Variants in TEX9 observed in about 807,000 individuals in gnomAD.
TEX9 encodes testis-expressed protein 9.
TEX9 carries 74 observed loss-of-function variants against 59.6 expected under a neutral mutation model. The observed-to-expected ratio is 1.24, with a 90% CI of 1.03 to 1.51. The LOEUF (loss-of-function observed/expected upper bound fraction) is 1.51. Among genes scored for constraint, TEX9 ranks in the 40% most tolerant of loss-of-function variants. TEX9 has a pLI of 0.00. For synonymous variants in TEX9, 186 were observed against 152.2 expected, an observed-to-expected ratio of 1.22 and a Z score of -1.64; for missense variants, 522 against 447.8, an observed-to-expected ratio of 1.17 and a Z score of -1.49.
intron 1 of TEX9, among the ~76,000 whole-genome samples, chr15:56,288,397 C>G (rs1209194734): frequency 6.6e-6 from 1 of 151,888 alleles, no homozygotes; most frequent in East Asian, 1.9e-4. Flanking sequence ...TTGAAGGACT[C>G]TCTTTAGCAT....
intron 9 of TEX9, 88 bp from the exon 10 acceptor site, chr15:56,412,214 G>A (rs2049388820): frequency 1.6e-6 from 2 of 1,261,156 alleles, no homozygotes; most frequent in East Asian, 5.1e-5. Flanking sequence ...AGAAAGCAAG[G>A]AATATGGATA....
intron 1 of TEX9, among the ~76,000 whole-genome samples, chr15:56,246,185 G>A (rs780426066): frequency 1.4e-4 from 21 of 152,214 alleles, no homozygotes; most frequent in Non-Finnish European, 1.9e-4. Context: ...CACCCCAGCA[G>A]CCACTAGAGG....
intron 9 of TEX9, among the ~76,000 whole-genome samples, chr15:56,405,552 A>G (rs1205452505): frequency 6.6e-6 from 1 of 152,188 alleles, no homozygotes; most frequent in Non-Finnish European, 1.5e-5. Context: ...GAATGTACTA[A>G]GCAGTTATGA....
rs1269721776 is a variant in TEX9, at chr15:56,307,492, G to T, written c.-107+63214G>T. 6.6e-5 allele frequency among the ~76,000 whole-genome samples: 10 copies of T among 152,296 alleles called. No individual in the cohort carries two copies. In the East Asian group the frequency reaches 7.7e-4, roughly 12 times the overall value. ...GGGCAGGAAATAGCCTCAACTCTGT[G>T]ATTTGAATTGAGGTTGATGGGAATA... On this transcript the variant is annotated intron_variant, in intron 1 of 5. Transcript: ENST00000560827.
intron 1 of TEX9, among the ~76,000 whole-genome samples, chr15:56,247,624 G>A (rs553206468): frequency 2.0e-5 from 3 of 152,278 alleles, no homozygotes; most frequent in African/African-American, 4.8e-5. Flanking sequence ...GGGAAAAGAA[G>A]GAGAGAGAGA....
In TEX9 at chr15:56,346,631, G is replaced by T. The variant is rs572288111; in HGVS notation, c.-106-26810G>T. On this transcript the variant is annotated intron_variant, in intron 1 of 5. Transcript: ENST00000560827. ...ATAACACATTTGGGATATGCTTTATGACTCAACCACACGTTTTTCTTTAGG... is the reference window on the plus strand; with the variant it reads ...ATAACACATTTGGGATATGCTTTATTACTCAACCACACGTTTTTCTTTAGG... Among the ~76,000 whole-genome samples the T allele has an allele frequency of 2.0e-5, 3 of 152,244 alleles. No homozygotes were observed. The South Asian group carries it at 6.2e-4, about 32-fold the overall frequency.
chr15:56,388,865 G>C (rs1324403974), intron 5 of TEX9, among the ~76,000 whole-genome samples: 1 of 151,950 alleles, frequency 6.6e-6, no homozygotes, highest in Non-Finnish European at 1.5e-5. Context: ...TGAAAAGTTT[G>C]TTTGTTCATT....
At chr15:56,394,753 A>G (rs1233668604) in exon 9 of TEX9, 1 of 1,612,924 alleles carries the variant, frequency 6.2e-7, no homozygotes, top group South Asian at 1.1e-5. Flanking sequence ...AACAGTCTCA[A>G]GTAGAAAAAT....
chr15:56,365,293 G>C (rs964051330), upstream of TEX9: 13 of 972,460 alleles, frequency 1.3e-5, no homozygotes, highest in Non-Finnish European at 1.9e-5. Flanking sequence ...CGAGTGCTGC[G>C]AGCAAAGGCC....
intron 2 of TEX9, among the ~76,000 whole-genome samples, chr15:56,366,675 C>G (rs557533415): frequency 6.6e-6 from 1 of 152,088 alleles, no homozygotes; most frequent in East Asian, 1.9e-4. Context: ...AAAAAAGTGC[C>G]TTTTAACAAC....
chr15:56,417,153 T>C (rs765407629), intron 10 of TEX9, among the ~76,000 whole-genome samples: 1 of 151,938 alleles, frequency 6.6e-6, no homozygotes, highest in East Asian at 1.9e-4. Flanking sequence ...AACCAGCTCC[T>C]GGATTCATTT....
rs185542085 is a variant in TEX9 at position 56,393,939 on chromosome 15, C to A, written c.572-226C>A. 10 of 338,752 alleles carry A rather than the reference C, an allele frequency of 3.0e-5. No homozygotes were observed. In the Admixed American group the frequency reaches 5.2e-4, roughly 18 times the overall value. The allele number at this position is 338,752 out of a possible 1,614,324, so 21.0% of individuals were successfully genotyped here. On this transcript the variant is annotated intron_variant, in intron 7 of 12. Coordinates refer to ENST00000352903, the Ensembl canonical transcript of TEX9. ...CCCTGGTGCGTGTGAATTTAGTCTG[C>A]AAACTTATGTGAATACTACCTGTGA...
At chr15:56,395,938 T>C (rs1018565621) in intron 9 of TEX9, 1 of 152,200 alleles carries the variant, frequency 6.6e-6, no homozygotes, top group Non-Finnish European at 1.5e-5. Context: ...ACTTTCTTTA[T>C]GGTACTCTAA....
intron 9 of TEX9, 81 bp downstream of exon 9, chr15:56,394,915 T>G: frequency 3.8e-6 from 5 of 1,327,986 alleles, no homozygotes; most frequent in Non-Finnish European, 5.1e-6. Flanking sequence ...TAGATGCCAT[T>G]TTGACAGTTC....
chr15:56,441,438 T>C (rs2050812739), intron 12 of TEX9, among the ~76,000 whole-genome samples: 6 of 152,212 alleles, frequency 3.9e-5, no homozygotes, highest in Admixed American at 3.9e-4. Flanking sequence ...CGGTTCTGAC[T>C]ACCTAGTCTA....
intron 9 of TEX9, among the ~76,000 whole-genome samples, chr15:56,402,899 A>G (rs911329969): frequency 2.1e-4 from 32 of 152,364 alleles, no homozygotes; most frequent in Admixed American, 3.3e-4. Context: ...GATTATCTCA[A>G]TAGATGCAGA....
chr15:56,380,308 C>T (rs2047666210), intron 3 of TEX9, among the ~76,000 whole-genome samples: 1 of 152,140 alleles, frequency 6.6e-6, no homozygotes, highest in Non-Finnish European at 1.5e-5. Flanking sequence ...AATACAAACT[C>T]TACACTTTAC....
Position 56,429,102 on chromosome 15 carries a change from C to A in TEX9, c.*29+629C>A, listed in dbSNP as rs115198725. The A allele has an allele frequency of 5.9e-4, 924 of 1,578,010 alleles. 4 individuals carry two copies. The African/African-American group carries it at 0.012, about 20-fold the overall frequency. On this transcript the variant is annotated intron_variant, in intron 12 of 12. Transcript: ENST00000352903. ...ATGCTTTACCCAATTTTGATGATAT[C>A]ATTTCTCTTCACAAATTTCACTCCT...
At chr15:56,437,514 G>A (rs569745417) in intron 12 of TEX9, among the ~76,000 whole-genome samples, 1 of 152,268 alleles carries the variant, frequency 6.6e-6, no homozygotes, top group South Asian at 2.1e-4. Flanking sequence ...ATATCATACT[G>A]AATGGGCAAA....
Sources: allele counts gnomAD v4.1 joint callset (sites outside exome capture counted in the v4.1 genomes callset), GRCh38; gene constraint gnomAD v4.1.1; transcripts MANE v1.5; gene names NCBI Gene and HGNC (gene_info 2026-07-23, HGNC 2026-07-21).